The following NDST3 variants were observed in gnomAD, a reference collection of about 807,000 sequenced individuals.
NDST3 encodes bifunctional heparan sulfate N-deacetylase/N-sulfotransferase 3.
A neutral mutation model predicts 96.1 loss-of-function variants in NDST3; 58 were observed. The ratio of observed to expected loss-of-function variants is 0.60; its 90% CI spans 0.49 to 0.75. The LOEUF (loss-of-function observed/expected upper bound fraction) is 0.75, where lower values mean the gene tolerates loss of function less well. Ranked by LOEUF, NDST3 falls within the 30% of genes least tolerant of loss-of-function variation. The pLI, the probability that NDST3 is intolerant of heterozygous loss-of-function variation, is 0.00. For synonymous variants in NDST3, 333 were observed against 359.7 expected, an observed-to-expected ratio of 0.93 and a Z score of 0.84; for missense variants, 788 against 1,034.2, an observed-to-expected ratio of 0.76 and a Z score of 3.27.
chr4:118,141,056 G>A (rs1029885930), intron 5 of NDST3, among the ~76,000 whole-genome samples: 2 of 152,140 alleles, frequency 1.3e-5, no homozygotes, highest in African/African-American at 2.4e-5. Context: ...CTCCCCAGAA[G>A]TATTTGTTGG....
At chr4:118,068,843 G>C (rs971916985) in intron 2 of NDST3, among the ~76,000 whole-genome samples, 1 of 152,020 alleles carries the variant, frequency 6.6e-6, no homozygotes, top group Non-Finnish European at 1.5e-5. Flanking sequence ...GGTCACAATA[G>C]AATTAATAGT....
intron 2 of NDST3, among the ~76,000 whole-genome samples, chr4:118,103,237 T>C (rs1560644532): frequency 6.6e-6 from 1 of 151,772 alleles, no homozygotes; most frequent in Non-Finnish European, 1.5e-5. Context: ...ACAAAAAAAA[T>C]ATGTTCAAAT....
chr4:118,092,052 A>G (rs951638767), intron 2 of NDST3, among the ~76,000 whole-genome samples: 21 of 72,196 alleles, frequency 2.9e-4, no homozygotes, highest in African/African-American at 8.8e-4. Flanking sequence ...GTATTTTCTT[A>G]TTTATTTATT....
At chr4:118,071,204 A>G (rs1172708264) in intron 2 of NDST3, among the ~76,000 whole-genome samples, 2 of 152,064 alleles carry the variant, frequency 1.3e-5, no homozygotes, top group African/African-American at 2.4e-5. Context: ...GTGTCTTTAT[A>G]GCAGCATGAT....
At position 118,257,976 on chromosome 4, in the gene NDST3, T is replaced by C. The variant is rs1037102241; in HGVS notation, c.*2264T>C. 1 of 152,218 alleles carries C rather than the reference T, an allele frequency of 6.6e-6. No individual in the cohort carries two copies. The highest frequency in any genetic ancestry group is 2.4e-5 in the African/African-American group (1 of 41,460). 9.4% of individuals were successfully genotyped at this position (152,218 alleles called of 1,614,324 possible). On this transcript the variant is annotated 3_prime_UTR_variant, in exon 14 of 14. Coordinates refer to ENST00000296499, the MANE Select transcript of NDST3 (RefSeq NM_004784.3). ...GTTATATACAGTGTCATGTTTTCAT[T>C]TGGCAACAACATTTATTCTAATAAA... is the stretch of plus-strand genomic sequence containing the variant.
At chr4:118,179,511 G>A (rs1736468599) in intron 6 of NDST3, among the ~76,000 whole-genome samples, 1 of 151,958 alleles carries the variant, frequency 6.6e-6, no homozygotes, top group Non-Finnish European at 1.5e-5. Flanking sequence ...AGTGGTAAGG[G>A]AGGGAAGGTG....
rs908939924 is a variant in NDST3 at position 118,237,210 on chromosome 4, C to G, written c.2108C>G (p.Ser703Cys). 6.2e-7 allele frequency: 1 copy of G among 1,606,186 alleles called. No homozygotes were observed. Among genetic ancestry groups the G allele is most frequent in the Non-Finnish European group, 8.5e-7 (1 of 1,176,546 alleles). ...ATTGACCCTTCAGACCGAGCATACT[C>G]CTGGTACCAGGTAAGGAAAATGCAA... is the stretch of plus-strand genomic sequence containing the variant. ...ILIDPSDRAY[S>C]WYQHQRSHED... Residue 703 changes from serine (S) to cysteine (C), a missense_variant, in exon 10 of 14, where the codon TCC (serine) becomes TGC (cysteine). Around this residue, in one of 3 missense-constraint regions of NDST3, gnomAD observed 490 missense variants for 708.8 expected, o/e 0.69. Transcript: ENST00000296499.
intron 6 of NDST3, among the ~76,000 whole-genome samples, chr4:118,153,303 A>G (rs1734521506): frequency 6.6e-6 from 1 of 152,146 alleles, no homozygotes; most frequent in Admixed American, 6.6e-5. Context: ...ATAGGCATTT[A>G]TATCTTGTGT....
intron 5 of NDST3, among the ~76,000 whole-genome samples, chr4:118,143,293 T>C (rs911377688): frequency 6.6e-6 from 1 of 152,186 alleles, no homozygotes; most frequent in African/African-American, 2.4e-5. Context: ...AAAGAAGTAC[T>C]CACTTTGATA....
chr4:118,171,568 T>C (rs1475960933), intron 6 of NDST3, among the ~76,000 whole-genome samples: 2 of 152,204 alleles, frequency 1.3e-5, no homozygotes, highest in Non-Finnish European at 2.9e-5. Flanking sequence ...CACTTCCCTG[T>C]GGCCCTAGAG....
intron 6 of NDST3, among the ~76,000 whole-genome samples, chr4:118,178,274 T>A (rs1736394845): frequency 6.6e-6 from 1 of 151,948 alleles, no homozygotes; most frequent in South Asian, 2.1e-4. Flanking sequence ...GTGACACAGG[T>A]CTCCAAAACA....
intron 7 of NDST3, among the ~76,000 whole-genome samples, chr4:118,226,004 T>C (rs1339532909): frequency 6.6e-6 from 1 of 152,074 alleles, no homozygotes; most frequent in Non-Finnish European, 1.5e-5. Flanking sequence ...GTTTTTTTTT[T>C]CAGAAGAACA....
intron 6 of NDST3, among the ~76,000 whole-genome samples, chr4:118,217,243 C>T (rs1055813904): frequency 1.3e-5 from 2 of 152,040 alleles, no homozygotes; most frequent in African/African-American, 4.8e-5. Flanking sequence ...ACAACCAAGA[C>T]AAGTTGGCTG....
chr4:118,244,001 T>C (rs1219157408), intron 12 of NDST3, among the ~76,000 whole-genome samples: 1 of 152,216 alleles, frequency 6.6e-6, no homozygotes, highest in Non-Finnish European at 1.5e-5. Flanking sequence ...GGGGGCTCAG[T>C]GGGTGAAATA....
intron 3 of NDST3, among the ~76,000 whole-genome samples, chr4:118,112,381 A>C (rs1048343641): frequency 6.6e-6 from 1 of 152,236 alleles, no homozygotes; most frequent in African/African-American, 2.4e-5. Context: ...AATAGAGCTT[A>C]AAAGCAGTGG....
At chr4:118,173,161 T>A (rs980790661) in intron 6 of NDST3, among the ~76,000 whole-genome samples, 28 of 151,862 alleles carry the variant, frequency 1.8e-4, no homozygotes, top group African/African-American at 6.5e-4. Context: ...TGTGTATATA[T>A]ATATATGATA....
chr4:118,216,736 C>G (rs1739217960), intron 6 of NDST3, among the ~76,000 whole-genome samples: 1 of 151,992 alleles, frequency 6.6e-6, no homozygotes, highest in African/African-American at 2.4e-5. Flanking sequence ...AAGAAGAGTA[C>G]ACAGTGAATG....
intron 3 of NDST3, among the ~76,000 whole-genome samples, chr4:118,113,915 A>C (rs1201631287): frequency 6.6e-6 from 1 of 152,160 alleles, no homozygotes; most frequent in Non-Finnish European, 1.5e-5. Context: ...TTTATGCTAT[A>C]GTAAAGAAGA....
intron 9 of NDST3, among the ~76,000 whole-genome samples, chr4:118,236,318 C>T (rs929887880): frequency 1.1e-4 from 17 of 152,210 alleles, no homozygotes; most frequent in Admixed American, 4.6e-4. Context: ...TTCTACATTT[C>T]AGTGCTTGAA....
Sources: allele counts gnomAD v4.1 joint callset (sites outside exome capture counted in the v4.1 genomes callset), GRCh38; gene constraint gnomAD v4.1.1; regional missense constraint gnomAD v4.1.1; transcripts MANE v1.5; gene names NCBI Gene and HGNC (gene_info 2026-07-23, HGNC 2026-07-21).